The following PCSK5 variants were observed in gnomAD, a reference collection of about 807,000 sequenced individuals.
PCSK5 encodes prohormone convertase 5.
PCSK5 carries 129 observed loss-of-function variants against 233.2 expected under a neutral mutation model. The ratio of observed to expected loss-of-function variants is 0.55; its 90% CI spans 0.48 to 0.64. The LOEUF (loss-of-function observed/expected upper bound fraction) is 0.64. PCSK5 is among the 30% of genes least tolerant of loss of function. The pLI is 0.00. For synonymous variants in PCSK5, 825 were observed against 879.2 expected, an observed-to-expected ratio of 0.94 and a Z score of 1.09; for missense variants, 2,076 against 2,430.1, an observed-to-expected ratio of 0.85 and a Z score of 3.06.
intron 9 of PCSK5, among the ~76,000 whole-genome samples, chr9:76,117,499 A>G (rs1832473895): frequency 6.6e-6 from 1 of 152,138 alleles, no homozygotes; most frequent in Non-Finnish European, 1.5e-5. Flanking sequence ...AAGTGATTCA[A>G]CTTACACTTG....
intron 2 of PCSK5, among the ~76,000 whole-genome samples, chr9:75,935,061 A>AT (rs1469227187): frequency 6.6e-6 from 1 of 151,740 alleles, no homozygotes; most frequent in Non-Finnish European, 1.5e-5. Flanking sequence ...ACATGTACAC[A>AT]TTTTTTTATT....
At chr9:76,183,437 A>G (rs1823962836) in intron 16 of PCSK5, among the ~76,000 whole-genome samples, 1 of 152,234 alleles carries the variant, frequency 6.6e-6, no homozygotes, top group South Asian at 2.1e-4. Context: ...ACAGTGCTTA[A>G]TAGTTCATAT....
In PCSK5 at chr9:76,310,658, G is replaced by A. The variant is rs769568245; in HGVS notation, c.3691G>A (p.Ala1231Thr). 6.4e-7 allele frequency: 1 copy of A among 1,562,566 alleles called. No individual in the cohort carries two copies. The highest frequency in any genetic ancestry group is 1.2e-5 in the South Asian group (1 of 82,508). ...TTCCCTCTTCCCTGAATTTCTAGGT[G>A]CATATCTTCTGGCTCAGGCCTGTGT... ...ATLCTSCPKG[A>T]YLLAQACVSS... The change falls in exon 30 of 38, where the codon GCA (alanine) becomes ACA (threonine). Residue 1231 changes from alanine to threonine, a missense_variant and splice_region_variant. Around this residue, in one of 6 missense-constraint regions of PCSK5, gnomAD observed 1,510 missense variants for 1,538.1 expected, o/e 0.98. Coordinates refer to ENST00000674117, the MANE Select transcript of PCSK5 (RefSeq NM_001372043.1).
intron 17 of PCSK5, among the ~76,000 whole-genome samples, chr9:76,185,318 A>G (rs759486183): frequency 6.6e-6 from 1 of 152,216 alleles, no homozygotes; most frequent in African/African-American, 2.4e-5. Flanking sequence ...CTCTAAGAGA[A>G]CAATGTACAG....
chr9:76,175,286 C>CGAATA lies in PCSK5; in HGVS notation c.1900+161_1900+162insAGAAT, dbSNP rs760081310. On this transcript the variant is annotated intron_variant, in intron 14 of 37. Transcript: ENST00000674117. ...GGAATGGAATGGAATCGAATCGAAT[C>CGAATA]GAATCGAATAGAATAGAATAGAATA... The CGAATA allele has an allele frequency of 7.3e-4, 395 of 541,886 alleles. 2 individuals are homozygous for CGAATA. Among genetic ancestry groups the CGAATA allele is most frequent in the South Asian group, 3.4e-3 (161 of 47,506 alleles). 33.6% of individuals were successfully genotyped at this position (541,886 alleles called of 1,614,324 possible). A position where few individuals can be genotyped will look rare whatever the true frequency, so the allele number is the denominator to read the frequency against.
At position 76,323,160 on chromosome 9, in the gene PCSK5, A is replaced by G. The variant is rs765188306; in HGVS notation, c.4211A>G (p.Glu1404Gly). Residue 1404 changes from glutamate to glycine, a missense_variant, in exon 32 of 38, where the codon GAG becomes GGG. Physicochemically the swap from Glu to Gly is moderately conservative, Grantham distance 98. Coordinates refer to ENST00000674117, the MANE Select transcript of PCSK5 (RefSeq NM_001372043.1). The part of the protein sequence containing the change: ...HCVPCHKDCL[E>G]CSGPKADDCE... ...GTCCCCTGCCATAAAGACTGTCTGG[A>G]GTGCAGTGGCCCCAAAGCCGACGAC... 3.7e-5 allele frequency: 60 copies of G among 1,612,286 alleles called. No individual in the cohort carries two copies. Among genetic ancestry groups the G allele is most frequent in the Non-Finnish European group, 4.6e-5 (54 of 1,179,492 alleles).
intron 24 of PCSK5, chr9:76,287,346 G>C (rs924757159): frequency 4.7e-6 from 1 of 214,884 alleles, no homozygotes; most frequent in Non-Finnish European, 1.1e-5. Flanking sequence ...TGGTGGATGT[G>C]GCTTTCCCCA....
At chr9:75,896,064 CTG>C (rs1350447063) in intron 1 of PCSK5, among the ~76,000 whole-genome samples, 1 of 152,146 alleles carries the variant, frequency 6.6e-6, no homozygotes. Flanking sequence ...AGATTGGTCT[CTG>C]TGTGATATAT....
intron 35 of PCSK5, among the ~76,000 whole-genome samples, chr9:76,347,500 T>C (rs1217847238): frequency 6.6e-6 from 1 of 152,200 alleles, no homozygotes; most frequent in Non-Finnish European, 1.5e-5. Context: ...GAGATGTAAA[T>C]GAAGGCTGAT....
chr9:76,329,030 G>C (rs932204477), intron 33 of PCSK5, among the ~76,000 whole-genome samples: 2 of 144,704 alleles, frequency 1.4e-5, no homozygotes, highest in Admixed American at 7.1e-5. Flanking sequence ...TGTTGGCCAG[G>C]CTGGTCTTGA....
chr9:76,180,676 C>T (rs1047858635), intron 15 of PCSK5, among the ~76,000 whole-genome samples: 1 of 152,166 alleles, frequency 6.6e-6, no homozygotes, highest in Non-Finnish European at 1.5e-5. Context: ...ACGGTTCCTC[C>T]ATACTCCAGT....
At position 76,107,224 on chromosome 9, in the gene PCSK5, A is replaced by G. The variant is rs1832014822; in HGVS notation, c.1108-27A>G. 3.9e-6 allele frequency: 6 copies of G among 1,519,356 alleles called. No homozygotes were observed. In the East Asian group the frequency reaches 1.4e-4, roughly 35 times the overall value. 94.1% of individuals were successfully genotyped at this position (1,519,356 alleles called of 1,614,324 possible). A position where few individuals can be genotyped will look rare whatever the true frequency, so the allele number is the denominator to read the frequency against. The stretch of plus-strand genomic sequence containing the variant: ...CAGGTGACTCACATTGGCCTCAGAA[A>G]TCTAAACTTTTCACTTTGTTTTCCA... On this transcript the variant is annotated intron_variant, in intron 8 of 37. Transcript: ENST00000674117.
At chr9:76,152,247 C>A (rs1823705888) in intron 10 of PCSK5, among the ~76,000 whole-genome samples, 1 of 152,122 alleles carries the variant, frequency 6.6e-6, no homozygotes, top group South Asian at 2.1e-4. Flanking sequence ...TGAGGGAATT[C>A]CCAGGGCACA....
chr9:76,050,394 T>C (rs1459631041), intron 5 of PCSK5, among the ~76,000 whole-genome samples: 1 of 152,206 alleles, frequency 6.6e-6, no homozygotes. Flanking sequence ...AAATTATAAT[T>C]TGATACAGGT....
intron 1 of PCSK5, 29 bp from the exon 2 acceptor site, chr9:75,932,350 G>C (rs760028750): frequency 2.6e-5 from 34 of 1,330,976 alleles, no homozygotes; most frequent in Non-Finnish European, 3.5e-5. Flanking sequence ...TCTTTTTTTT[G>C]TTCTTTCCTT....
intron 2 of PCSK5, among the ~76,000 whole-genome samples, chr9:75,954,028 T>A (rs1342214657): frequency 6.6e-6 from 1 of 152,192 alleles, no homozygotes; most frequent in Non-Finnish European, 1.5e-5. Flanking sequence ...TGGAAGGTGT[T>A]AAGCTGATAA....
chr9:76,280,958 T>C (rs112273643), intron 24 of PCSK5, among the ~76,000 whole-genome samples: 3 of 152,182 alleles, frequency 2.0e-5, no homozygotes, highest in African/African-American at 7.2e-5. Flanking sequence ...AGCCAAAGCC[T>C]AATCCAGAGC....
intron 34 of PCSK5, among the ~76,000 whole-genome samples, chr9:76,334,471 G>T (rs56942774): frequency 6.6e-6 from 1 of 152,152 alleles, no homozygotes; most frequent in Non-Finnish European, 1.5e-5. Context: ...GGTGGCTCAC[G>T]CCTATAATCC....
At chr9:75,965,786 G>A (rs1187394284) in intron 2 of PCSK5, among the ~76,000 whole-genome samples, 1 of 152,146 alleles carries the variant, frequency 6.6e-6, no homozygotes, top group Non-Finnish European at 1.5e-5. Flanking sequence ...TTAGGTCTAT[G>A]AAGTAAAAAT....
Sources: gnomAD v4.1 joint callset for allele counts (sites outside exome capture counted in the v4.1 genomes callset) on GRCh38, gnomAD v4.1.1 for gene constraint, gnomAD v4.1.1 regional missense constraint, MANE v1.5 for transcripts, NCBI Gene and HGNC (gene_info 2026-07-23, HGNC 2026-07-21) for gene names.